The following BAALC variants were observed in gnomAD, a reference collection of about 807,000 sequenced individuals.
BAALC encodes brain and acute leukemia cytoplasmic protein.
Under a neutral mutation model 15.5 loss-of-function variants are expected in BAALC, and 9 were observed. The ratio of observed to expected loss-of-function variants is 0.58; its 90% CI spans 0.35 to 1.02. The LOEUF (loss-of-function observed/expected upper bound fraction) is 1.02. Among genes scored for constraint, BAALC ranks in the 50% least tolerant of loss-of-function variants. BAALC has a pLI of 0.02. For missense variants in BAALC, 201 were observed against 192.4 expected, an observed-to-expected ratio of 1.04 and a Z score of -0.27; for synonymous variants, 80 against 74.6, an observed-to-expected ratio of 1.07 and a Z score of -0.37.
chr8:103,180,320 C>G (rs1811698454), intron 1 of BAALC, among the ~76,000 whole-genome samples: 5 of 152,206 alleles, frequency 3.3e-5, no homozygotes, highest in Admixed American at 3.3e-4. Flanking sequence ...TTCCAGAAAT[C>G]TAACTGCATG....
Position 103,141,043 on chromosome 8 carries a change from G to GTAAGTGGC in BAALC, c.146_147insTAAGTGGC (p.Gly50LysfsTer52), listed in dbSNP as rs1276925253. On this transcript the variant is annotated frameshift_variant, in exon 1 of 3. Coordinates refer to ENST00000309982, the MANE Select transcript of BAALC (RefSeq NM_024812.3). LOFTEE classifies it high-confidence loss of function. ...GCCCCGGACAGCGGCCCCGAAGCGG[G>GTAAGTGGC]CGGCCTGCACTCGGGTAAGTGGCCG... The GTAAGTGGC allele has an allele frequency of 6.7e-7, 1 of 1,501,634 alleles. No homozygotes were observed. The highest frequency in any genetic ancestry group is 8.9e-7 in the Non-Finnish European group (1 of 1,125,362). 93.0% of individuals were successfully genotyped at this position (1,501,634 alleles called of 1,614,324 possible).
chr8:103,176,184 C>T (rs1364908047), intron 1 of BAALC, among the ~76,000 whole-genome samples: 1 of 152,150 alleles, frequency 6.6e-6, no homozygotes, highest in African/African-American at 2.4e-5. Flanking sequence ...TGAAAAAGAC[C>T]TGTCATTTAT....
intron 1 of BAALC, among the ~76,000 whole-genome samples, chr8:103,179,056 GT>G (rs1811670486): frequency 1.3e-5 from 2 of 152,130 alleles, no homozygotes; most frequent in Non-Finnish European, 2.9e-5. Flanking sequence ...CAAACCCATA[GT>G]CTTTGGGGTT....
chr8:103,208,852 G>C (rs2130055244), intron 1 of BAALC, among the ~76,000 whole-genome samples: 1 of 152,250 alleles, frequency 6.6e-6, no homozygotes, highest in African/African-American at 2.4e-5. Flanking sequence ...ATTGGGAGAA[G>C]GGAGAAGGGA....
chr8:103,179,773 A>G (rs1009832936), intron 1 of BAALC, among the ~76,000 whole-genome samples: 5 of 152,376 alleles, frequency 3.3e-5, no homozygotes, highest in Admixed American at 2.0e-4. Context: ...CTCTTGAGGC[A>G]CTGATGGTCT....
chr8:103,191,391 A>G (rs1811964337), intron 1 of BAALC: 1 of 151,972 alleles, frequency 6.6e-6, no homozygotes, highest in Non-Finnish European at 1.5e-5. Flanking sequence ...GTTCTTCCCT[A>G]AGTCTCTGCA....
intron 1 of BAALC, among the ~76,000 whole-genome samples, chr8:103,201,441 T>A (rs371344851): frequency 9.3e-5 from 9 of 96,376 alleles, no homozygotes; most frequent in African/African-American, 3.6e-4. Context: ...TGAGCCTGAG[T>A]AAGAAGGTGA....
chr8:103,166,765 C>G (rs1480336930), intron 1 of BAALC, among the ~76,000 whole-genome samples: 12 of 152,158 alleles, frequency 7.9e-5, no homozygotes, highest in Admixed American at 7.2e-4. Context: ...GGTAATAATC[C>G]TCTTAAAAGA....
chr8:103,174,690 T>A (rs1019840583), intron 1 of BAALC, among the ~76,000 whole-genome samples: 19 of 152,214 alleles, frequency 1.2e-4, no homozygotes, highest in Non-Finnish European at 2.4e-4. Flanking sequence ...TGCTTCATGG[T>A]TCGATAAGCT....
intron 1 of BAALC, among the ~76,000 whole-genome samples, chr8:103,193,750 ATAT>A (rs1267229151): frequency 1.3e-5 from 2 of 152,210 alleles, no homozygotes; most frequent in Non-Finnish European, 2.9e-5. Context: ...CACATGGTCA[ATAT>A]TATTATTTAG....
chr8:103,192,388 T>C (rs1811991359), intron 1 of BAALC, among the ~76,000 whole-genome samples: 1 of 152,174 alleles, frequency 6.6e-6, no homozygotes, highest in Non-Finnish European at 1.5e-5. Context: ...ATGTAGTGAG[T>C]AGGTTGTCAA....
chr8:103,160,567 A>C (rs1057089165), intron 1 of BAALC, among the ~76,000 whole-genome samples: 1 of 152,198 alleles, frequency 6.6e-6, no homozygotes, highest in African/African-American at 2.4e-5. Context: ...TTTAAAGTAA[A>C]TTGAAATAAT....
chr8:103,172,638 C>G (rs1039186108), intron 1 of BAALC, among the ~76,000 whole-genome samples: 1 of 151,734 alleles, frequency 6.6e-6, no homozygotes, highest in Non-Finnish European at 1.5e-5. Flanking sequence ...CAGGTGGTCC[C>G]CCTGCCTCAG....
intron 1 of BAALC, among the ~76,000 whole-genome samples, chr8:103,173,462 A>G (rs917430557): frequency 1.3e-5 from 2 of 152,208 alleles, no homozygotes; most frequent in Admixed American, 1.3e-4. Flanking sequence ...TCACCAAATC[A>G]TGGAATCCTA....
chr8:103,155,172 T>C (rs76718987), intron 1 of BAALC, among the ~76,000 whole-genome samples: 11 of 152,266 alleles, frequency 7.2e-5, no homozygotes, highest in Middle Eastern at 3.4e-3. Context: ...ATCTATTAGA[T>C]TGGACCAAAA....
chr8:103,226,533 C>G (rs1812810343), intron 2 of BAALC, among the ~76,000 whole-genome samples: 1 of 152,152 alleles, frequency 6.6e-6, no homozygotes. Flanking sequence ...GGAGGTGACT[C>G]ACAAGCCCAC....
At chr8:103,185,108 T>G (rs1811804321) in intron 1 of BAALC, among the ~76,000 whole-genome samples, 3 of 152,018 alleles carry the variant, frequency 2.0e-5, no homozygotes, top group Admixed American at 2.0e-4. Context: ...CCAGGCAGCT[T>G]TCTGCTTGAT....
At chr8:103,183,914 T>C (rs1418273041) in intron 1 of BAALC, among the ~76,000 whole-genome samples, 2 of 152,214 alleles carry the variant, frequency 1.3e-5, no homozygotes, top group Non-Finnish European at 1.5e-5. Flanking sequence ...ACCACAACTT[T>C]AGTGGCTTGA....
chr8:103,157,887 A>T (rs1811132903), intron 1 of BAALC, among the ~76,000 whole-genome samples: 1 of 152,194 alleles, frequency 6.6e-6, no homozygotes, highest in Non-Finnish European at 1.5e-5. Flanking sequence ...AAATGGTATA[A>T]TATCAGCAAT....
Sources: gnomAD v4.1 joint callset for allele counts (sites outside exome capture counted in the v4.1 genomes callset) on GRCh38, gnomAD v4.1.1 for gene constraint, MANE v1.5 for transcripts, NCBI Gene and HGNC (gene_info 2026-07-23, HGNC 2026-07-21) for gene names.